Variants in SHANK2 observed in about 807,000 individuals in gnomAD.
The protein encoded by SHANK2 is SH3 and multiple ankyrin repeat domains 2, also known as SH3 and multiple ankyrin repeat domains protein 2.
SHANK2 carries 43 observed loss-of-function variants against 133.7 expected under a neutral mutation model. That is an observed-to-expected ratio of 0.32 (90% confidence interval 0.25 to 0.41). The LOEUF is 0.41. Ranked by LOEUF, SHANK2 falls within the 10% of genes least tolerant of loss-of-function variation. The probability of loss-of-function intolerance (pLI) is 1.00; values close to 1 mark genes in which losing one functional copy is unlikely to be tolerated. For missense variants in SHANK2, 1,994 were observed against 2,235.8 expected (o/e 0.89, Z 2.18); for synonymous variants, 1,017 against 952.8 (o/e 1.07, Z -1.24).
At chr11:70,813,445 T>C (rs1216914890) in intron 12 of SHANK2, among the ~76,000 whole-genome samples, 6 of 152,040 alleles carry the variant, frequency 3.9e-5, no homozygotes, top group East Asian at 1.9e-4. Flanking sequence ...GGGAGCCCCA[T>C]TGAGGGCCCC....
At chr11:70,803,144 T>A (rs934340397) in intron 13 of SHANK2, among the ~76,000 whole-genome samples, 2 of 151,886 alleles carry the variant, frequency 1.3e-5, no homozygotes, top group Non-Finnish European at 2.9e-5. Flanking sequence ...GATGGAAGCA[T>A]GGTGGTGAGA....
chr11:70,782,062 T>C (rs1454653377), intron 14 of SHANK2, among the ~76,000 whole-genome samples: 2 of 152,124 alleles, frequency 1.3e-5, no homozygotes, highest in African/African-American at 4.8e-5. Flanking sequence ...AATTGAACAA[T>C]GAGAATACTT....
intron 8 of SHANK2, among the ~76,000 whole-genome samples, chr11:71,076,298 G>C (rs890092843): frequency 2.4e-4 from 36 of 152,184 alleles, no homozygotes; most frequent in African/African-American, 8.4e-4. Context: ...GCCTAGGGGT[G>C]TTGAGAGCAG....
intron 15 of SHANK2, among the ~76,000 whole-genome samples, chr11:70,693,719 A>G (rs192099340): frequency 6.6e-6 from 1 of 152,310 alleles, no homozygotes; most frequent in African/African-American, 2.4e-5. Flanking sequence ...TATTCATTAA[A>G]CAGATGGACA....
intron 2 of SHANK2, among the ~76,000 whole-genome samples, chr11:71,163,093 A>AAAAACATATATATATATATATATATAT: frequency 1.2e-5 from 1 of 84,676 alleles, no homozygotes; most frequent in Admixed American, 1.0e-4. Context: ...AAAAAAAAAA[A>AAAAACATATATATATATATATATATAT]ATACATATAT....
At chr11:70,537,076 C>T (rs1293041394) in intron 17 of SHANK2, among the ~76,000 whole-genome samples, 1 of 152,202 alleles carries the variant, frequency 6.6e-6, no homozygotes, top group Non-Finnish European at 1.5e-5. Flanking sequence ...TGCCCATGCT[C>T]CTTTTGCTCC....
At position 71,086,199 on chromosome 11, in the gene SHANK2, TATATA is replaced by T. The variant is rs1396289884; in HGVS notation, c.912+6218_912+6222del. ...TATTATGTTATATAATATATTAAATTATATAATATATTATGTTATATAATATATTA... is the reference window on the plus strand; with the variant it reads ...TATTATGTTATATAATATATTAAATTATATATTATGTTATATAATATATTA... On this transcript the variant is annotated intron_variant, in intron 8 of 25. Transcript: ENST00000601538. Among the ~76,000 whole-genome samples the T allele has an allele frequency of 1.2e-3, 10 of 8,450 alleles. 2 individuals are homozygous for T. The East Asian group carries it at 0.019, about 16-fold the overall frequency. 5.5% of individuals were successfully genotyped at this position (8,450 alleles called of 152,430 possible). A position where few individuals can be genotyped will look rare whatever the true frequency, so the allele number is the denominator to read the frequency against.
chr11:70,712,259 T>G (rs1455930886), intron 14 of SHANK2, among the ~76,000 whole-genome samples: 3 of 152,278 alleles, frequency 2.0e-5, no homozygotes, highest in African/African-American at 7.2e-5. Context: ...TTCCCACATT[T>G]AAGGACCCTT....
chr11:71,101,626 T>C (rs2135166757), intron 6 of SHANK2, among the ~76,000 whole-genome samples: 1 of 152,346 alleles, frequency 6.6e-6, no homozygotes, highest in Non-Finnish European at 1.5e-5. Flanking sequence ...CCGTTAGTTC[T>C]GGGGAATCGC....
Position 71,118,752 on chromosome 11 carries a change from C to G in SHANK2, c.411+77G>C, listed in dbSNP as rs554139458. 3.9e-6 allele frequency: 5 copies of G among 1,277,834 alleles called. No individual in the cohort carries two copies. In the South Asian group the frequency reaches 4.8e-5, roughly 12 times the overall value. 79.2% of individuals were successfully genotyped at this position (1,277,834 alleles called of 1,614,324 possible). ...GCAAATGGAATTGGTCTCGCCCCAC[C>G]ACCATGTCTCCCCCACCCACCATGG... On this transcript the variant is annotated intron_variant, in intron 4 of 25. Transcript: ENST00000601538.
chr11:71,060,044 G>T (rs1950969307), intron 9 of SHANK2, among the ~76,000 whole-genome samples: 1 of 152,174 alleles, frequency 6.6e-6, no homozygotes, highest in Admixed American at 6.5e-5. Flanking sequence ...GATCCCCAGA[G>T]CCCCTGCACC....
intron 2 of SHANK2, among the ~76,000 whole-genome samples, chr11:71,177,006 A>C (rs1394285379): frequency 5.3e-5 from 8 of 152,260 alleles, no homozygotes; most frequent in Admixed American, 5.2e-4. Context: ...AACAAACTTA[A>C]GAATGACAGC....
intron 14 of SHANK2, among the ~76,000 whole-genome samples, chr11:70,747,310 C>A (rs1946661400): frequency 6.6e-6 from 1 of 152,112 alleles, no homozygotes; most frequent in Non-Finnish European, 1.5e-5. Flanking sequence ...AGAACTAGCC[C>A]TGGGCAGCAG....
rs368941598 is a variant in SHANK2, at chr11:70,799,177, C to T, written c.1664-621G>A. Among the ~76,000 whole-genome samples the T allele has an allele frequency of 2.6e-5, 4 of 151,844 alleles. No homozygotes were observed. The South Asian group carries it at 8.3e-4, about 32-fold the overall frequency. On this transcript the variant is annotated intron_variant, in intron 13 of 25. Coordinates refer to ENST00000601538, the MANE Select transcript of SHANK2 (RefSeq NM_012309.5). ...CTTTGGGGGGCCGAGGGGAGTGGAC[C>T]CTCTGAGGTCAGGAGTTCAAGACCA...
intron 17 of SHANK2, among the ~76,000 whole-genome samples, chr11:70,512,695 GT>G (rs1183710254): frequency 5.3e-5 from 8 of 152,294 alleles, no homozygotes; most frequent in Admixed American, 2.0e-4. Flanking sequence ...CCAGGATTAA[GT>G]GTTTTCTAGC....
chr11:70,842,161 T>G (rs1020747639), intron 11 of SHANK2, among the ~76,000 whole-genome samples: 1 of 152,224 alleles, frequency 6.6e-6, no homozygotes, highest in Non-Finnish European at 1.5e-5. Context: ...CACCAAGCAT[T>G]TACTTCCAAG....
intron 2 of SHANK2, among the ~76,000 whole-genome samples, chr11:71,197,248 C>G (rs142807446): frequency 3.3e-5 from 5 of 152,212 alleles, no homozygotes; most frequent in East Asian, 1.9e-4. Flanking sequence ...TTCCTTCCCC[C>G]CAGTGTCCGG....
chr11:70,695,665 ACTTGGCCTTC>A (rs1179713238), intron 15 of SHANK2, among the ~76,000 whole-genome samples: 1 of 152,288 alleles, frequency 6.6e-6, no homozygotes, highest in East Asian at 1.9e-4. Context: ...ATGCTCATTA[ACTTGGCCTTC>A]CTTTCCCTCC....
At chr11:71,110,978 C>T (rs1951883704) in intron 5 of SHANK2, among the ~76,000 whole-genome samples, 5 of 152,248 alleles carry the variant, frequency 3.3e-5, no homozygotes, top group Admixed American at 3.3e-4. Context: ...TCCCTCGCCC[C>T]TTCCTCCACG....
Sources: allele counts gnomAD v4.1 joint callset (sites outside exome capture counted in the v4.1 genomes callset), GRCh38; gene constraint gnomAD v4.1.1; transcripts MANE v1.5; gene names NCBI Gene and HGNC (gene_info 2026-07-23, HGNC 2026-07-21).